The following RRM1 variants were observed in gnomAD, a reference collection of about 807,000 sequenced individuals.
RRM1 encodes ribonucleotide reductase catalytic subunit M1.
RRM1 carries 19 observed loss-of-function variants against 101.5 expected under a neutral mutation model. The ratio of observed to expected loss-of-function variants is 0.19; its 90% CI spans 0.13 to 0.27. The LOEUF (loss-of-function observed/expected upper bound fraction) is 0.27. RRM1 is among the 10% of genes least tolerant of loss of function. The pLI, the probability that RRM1 is intolerant of heterozygous loss-of-function variation, is 1.00. For synonymous variants in RRM1, 298 were observed against 323.4 expected (o/e 0.92, Z 0.84); for missense variants, 500 against 962.9 (o/e 0.52, Z 6.36).
At chr11:4,101,374 G>A (rs1286921436) in intron 1 of RRM1, among the ~76,000 whole-genome samples, 7 of 151,438 alleles carry the variant, frequency 4.6e-5, no homozygotes, top group East Asian at 1.9e-4. Flanking sequence ...ATGCAATGGC[G>A]TGATCTCAGC....
intron 2 of RRM1, chr11:4,105,659 C>A (rs1221503414): frequency 2.5e-6 from 1 of 399,866 alleles, no homozygotes; most frequent in Admixed American, 3.3e-5. Context: ...CAGCTCATTG[C>A]AGCCTCAGCT....
chr11:4,110,992 T>A (rs1354294667), intron 5 of RRM1, among the ~76,000 whole-genome samples: 1 of 151,880 alleles, frequency 6.6e-6, no homozygotes, highest in Non-Finnish European at 1.5e-5. Context: ...GTGAAGTTGA[T>A]GATGATGATG....
intron 18 of RRM1, among the ~76,000 whole-genome samples, chr11:4,137,455 C>A (rs1440328388): frequency 7.0e-6 from 1 of 143,868 alleles, no homozygotes; most frequent in Non-Finnish European, 1.5e-5. Flanking sequence ...GGCTCACACC[C>A]CCACCTCCCT....
intron 2 of RRM1, among the ~76,000 whole-genome samples, chr11:4,104,644 A>G (rs2094556032): frequency 6.6e-6 from 1 of 152,198 alleles, no homozygotes; most frequent in African/African-American, 2.4e-5. Context: ...CAGGTTCTTC[A>G]TGTAAAATAG....
intron 7 of RRM1, 98 bp downstream of exon 7, chr11:4,112,160 T>G (rs2094566495): frequency 1.2e-6 from 1 of 832,046 alleles, no homozygotes; most frequent in Admixed American, 2.6e-5. Flanking sequence ...AGTAGCTGCC[T>G]GCTCTGATTA....
At chr11:4,100,032 G>A (rs1232538922) in intron 1 of RRM1, among the ~76,000 whole-genome samples, 1 of 152,180 alleles carries the variant, frequency 6.6e-6, no homozygotes, top group East Asian at 1.9e-4. Context: ...GAGCACTGAG[G>A]TTTCAGTCCC....
At chr11:4,117,705 TC>T (rs2094575651) in intron 7 of RRM1, among the ~76,000 whole-genome samples, 1 of 152,226 alleles carries the variant, frequency 6.6e-6, no homozygotes. Context: ...TCTATATTTT[TC>T]TGAATGTCTG....
chr11:4,099,201 G>T (rs1275087429), intron 1 of RRM1: 1 of 151,756 alleles, frequency 6.6e-6, no homozygotes, highest in African/African-American at 2.4e-5. Context: ...GGAGTGCAGT[G>T]GTGTGATCTT....
At chr11:4,114,443 G>A (rs1384831105) in intron 7 of RRM1, among the ~76,000 whole-genome samples, 1 of 147,136 alleles carries the variant, frequency 6.8e-6, no homozygotes, top group Non-Finnish European at 1.5e-5. Context: ...TCCACTACTT[G>A]GGAGGCTGAG....
chr11:4,101,102 A>G (rs1185319385), intron 1 of RRM1, among the ~76,000 whole-genome samples: 1 of 152,162 alleles, frequency 6.6e-6, no homozygotes. Flanking sequence ...GAAGGGGGAT[A>G]AGAAGAGCAA....
intron 7 of RRM1, chr11:4,116,258 G>T (rs1359584606): frequency 1.3e-5 from 2 of 152,302 alleles, no homozygotes; most frequent in Non-Finnish European, 2.9e-5. Context: ...CTGAGTCAGG[G>T]TGTCCGAGGT....
intron 17 of RRM1, 72 bp from the exon 18 acceptor site, chr11:4,135,010 G>A (rs2133325653): frequency 8.8e-7 from 1 of 1,141,436 alleles, no homozygotes; most frequent in Non-Finnish European, 1.3e-6. Context: ...CAAAGCTTGT[G>A]TCACTATTCT....
chr11:4,130,087 T>TATATATATATATA (rs869309117), intron 15 of RRM1, among the ~76,000 whole-genome samples: 231 of 61,532 alleles, frequency 3.8e-3, no homozygotes, highest in African/African-American at 0.017. Flanking sequence ...TATATATATA[T>TATATATATATATA]TTTTTTTTTT....
Position 4,132,371 on chromosome 11 carries a change from C to G in RRM1, c.1855C>G (p.Pro619Ala). ...CCTGGGGAATAATGAGTCCATTGAA[C>G]CTTACACCAGCAACATCTATACTCG... ...QILGNNESIE[P>A]YTSNIYTRRV... Residue 619 changes from proline to alanine, a missense_variant, in exon 16 of 19, where the codon CCT (proline) becomes GCT (alanine). Physicochemically the swap from Pro to Ala is conservative, Grantham distance 27 (BLOSUM62 -1). Coordinates refer to ENST00000300738, the MANE Select transcript of RRM1 (RefSeq NM_001033.5). The surrounding 1 kb of genome is among the most constrained non-coding windows in gnomAD (Gnocchi z 4.1). 6.2e-7 allele frequency: 1 copy of G among 1,614,114 alleles called. No individual in the cohort carries two copies. The highest frequency in any genetic ancestry group is 8.5e-7 in the Non-Finnish European group (1 of 1,180,004).
At position 4,135,238 on chromosome 11, in the gene RRM1, C is replaced by T; in HGVS notation, c.2158C>T (p.Leu720Phe). The change falls in exon 18 of 19, where the codon CTC (leucine) becomes TTC (phenylalanine). Residue 720 changes from leucine to phenylalanine, a missense_variant. By Grantham distance (22) the Leu-to-Phe change is conservative. This residue lies in a region of RRM1 where 79 missense variants were observed against 176.4 expected (regional missense o/e 0.45). Coordinates refer to ENST00000300738, the MANE Select transcript of RRM1 (RefSeq NM_001033.5). ...CATTGCTGAGCCTAACTATGGCAAA[C>T]TCACTAGTATGCACTTCTACGGCTG... Reference protein sequence around the residue: ...IHIAEPNYGKLTSMHFYGWKQ... With the variant: ...IHIAEPNYGKFTSMHFYGWKQ... 1.2e-6 allele frequency: 2 copies of T among 1,612,654 alleles called. No individual in the cohort carries two copies. Among genetic ancestry groups the T allele is most frequent in the Non-Finnish European group, 1.7e-6 (2 of 1,179,254 alleles).
rs137916051 is a variant in RRM1, at chr11:4,132,293, A to G, written c.1777A>G (p.Ile593Val). 4 of 1,614,114 alleles carry G rather than the reference A, an allele frequency of 2.5e-6. No homozygotes were observed. The highest frequency in any genetic ancestry group is 2.2e-5 in the East Asian group (1 of 44,888). ...TAATCTCCTTTTCTTTAGGTATGGT[A>G]TAAGAAACAGTTTACTTATTGCCCC... ...VLKEKIAKYGIRNSLLIAPMP... is the reference protein window; with the variant it reads ...VLKEKIAKYGVRNSLLIAPMP... The change falls in exon 16 of 19, where the codon ATA becomes GTA. Residue 593 changes from isoleucine to valine, a missense_variant. Coordinates refer to ENST00000300738, the MANE Select transcript of RRM1 (RefSeq NM_001033.5). The surrounding 1 kb of genome is among the most constrained non-coding windows in gnomAD (Gnocchi z 4.1).
intron 1 of RRM1, among the ~76,000 whole-genome samples, chr11:4,100,546 T>C (rs968328829): frequency 1.3e-5 from 2 of 152,222 alleles, no homozygotes; most frequent in Non-Finnish European, 2.9e-5. Flanking sequence ...GATTTTGGAA[T>C]TTTGGATTAA....
chr11:4,121,796 A>G lies in RRM1; in HGVS notation c.1038+31A>G, dbSNP rs180897360. ...AGATAGGTACTTGTTGGTAATAGCA[A>G]CTTGATTCACATGAGCTTTCTCTTT... is the stretch of plus-strand genomic sequence containing the variant. On this transcript the variant is annotated intron_variant, in intron 10 of 18. Transcript: ENST00000300738. 5.1e-6 allele frequency: 8 copies of G among 1,556,398 alleles called. No individual in the cohort carries two copies. In the Admixed American group the frequency reaches 1.0e-4, roughly 20 times the overall value.
chr11:4,136,163 T>C (rs939254162), intron 18 of RRM1, among the ~76,000 whole-genome samples: 9 of 152,034 alleles, frequency 5.9e-5, no homozygotes, highest in African/African-American at 1.9e-4. Context: ...CTAGAGGAGA[T>C]AGAATTCCAA....
Sources: gnomAD v4.1 joint callset for allele counts (sites outside exome capture counted in the v4.1 genomes callset) on GRCh38, gnomAD v4.1.1 for gene constraint, gnomAD v4.1.1 regional missense constraint, Gnocchi (gnomAD v3.1) non-coding constraint, MANE v1.5 for transcripts, NCBI Gene and HGNC (gene_info 2026-07-23, HGNC 2026-07-21) for gene names.